Variants in FGF9 observed in about 807,000 individuals in gnomAD.
FGF9 encodes fibroblast growth factor 9 (glia-activating factor).
A neutral mutation model predicts 19.9 loss-of-function variants in FGF9; 3 were observed. That is an observed-to-expected ratio of 0.15 (90% CI 0.07 to 0.39). The LOEUF (loss-of-function observed/expected upper bound fraction) is 0.39. Ranked by LOEUF, FGF9 falls within the 10% of genes least tolerant of loss-of-function variation. FGF9 has a pLI of 1.00. For synonymous variants in FGF9, 107 were observed against 106.9 expected, an observed-to-expected ratio of 1.00 and a Z score of -0.01; for missense variants, 175 against 256.8, an observed-to-expected ratio of 0.68 and a Z score of 2.18.
intron 2 of FGF9, among the ~76,000 whole-genome samples, chr13:21,699,642 A>C (rs920952110): frequency 6.6e-6 from 1 of 152,140 alleles, no homozygotes; most frequent in Non-Finnish European, 1.5e-5. Flanking sequence ...ATTCTACCCA[A>C]CTGATATCTG....
intron 2 of FGF9, among the ~76,000 whole-genome samples, chr13:21,699,857 G>T (rs1426843014): frequency 6.6e-6 from 1 of 152,130 alleles, no homozygotes; most frequent in Non-Finnish European, 1.5e-5. Flanking sequence ...AGTTATTTTC[G>T]TGTTTACTGT....
chr13:21,684,449 T>G (rs1030305076), intron 2 of FGF9, among the ~76,000 whole-genome samples: 1 of 152,194 alleles, frequency 6.6e-6, no homozygotes, highest in African/African-American at 2.4e-5. Context: ...CCGCATTGGA[T>G]GCATAGATGT....
intron 2 of FGF9, among the ~76,000 whole-genome samples, 177 bp from the exon 3 acceptor site, chr13:21,701,013 A>T (rs575142925): frequency 1.3e-5 from 2 of 152,298 alleles, no homozygotes; most frequent in African/African-American, 4.8e-5. Flanking sequence ...TTACCTTTTT[A>T]AAAAATTTTA....
intron 2 of FGF9, among the ~76,000 whole-genome samples, chr13:21,686,251 AT>A (rs778180549): frequency 1.3e-5 from 2 of 152,132 alleles, no homozygotes; most frequent in Non-Finnish European, 2.9e-5. Context: ...CTGATCTTGA[AT>A]TCCTGACATC....
intron 2 of FGF9, among the ~76,000 whole-genome samples, chr13:21,682,162 C>A (rs976925384): frequency 1.3e-5 from 2 of 151,930 alleles, no homozygotes; most frequent in African/African-American, 4.8e-5. Context: ...GTGTGCATCA[C>A]CACACGTAGT....
At chr13:21,676,136 A>G (rs1871910290) in intron 1 of FGF9, among the ~76,000 whole-genome samples, 1 of 152,112 alleles carries the variant, frequency 6.6e-6, no homozygotes, top group African/African-American at 2.4e-5. Flanking sequence ...TCATTTGGGG[A>G]AATAGTAATG....
chr13:21,678,893 G>A (rs1593091761), intron 1 of FGF9, among the ~76,000 whole-genome samples: 1 of 152,080 alleles, frequency 6.6e-6, no homozygotes, highest in African/African-American at 2.4e-5. Context: ...CCACATTTTG[G>A]TGTGCTTTCA....
At chr13:21,687,090 T>C (rs576977889) in intron 2 of FGF9, among the ~76,000 whole-genome samples, 1 of 152,222 alleles carries the variant, frequency 6.6e-6, no homozygotes, top group Admixed American at 6.5e-5. Flanking sequence ...TATGGCTCCA[T>C]GTAATCAGTA....
In FGF9 at chr13:21,671,975, T is replaced by C. The variant is rs1871779267; in HGVS notation, c.63T>C (p.Asn21=). The change falls in exon 1 of 3, where the codon AAT becomes AAC. Residue 21 remains asparagine (N), a synonymous_variant. Coordinates refer to ENST00000382353, the MANE Select transcript of FGF9 (RefSeq NM_002010.3). Reference sequence around the variant, plus strand: ...TGCAGGATGCGGTACCGTTTGGGAATGTGCCCGTGTTGCCGGTGGACAGCC... The same window carrying C: ...TGCAGGATGCGGTACCGTTTGGGAACGTGCCCGTGTTGCCGGTGGACAGCC... The part of the protein sequence containing the change: ...FGVQDAVPFG[N]VPVLPVDSPV... 1 of 1,614,086 alleles carries C rather than the reference T, an allele frequency of 6.2e-7. No homozygotes were observed. The highest frequency in any genetic ancestry group is 1.7e-5 in the Admixed American group (1 of 60,008).
At chr13:21,687,279 A>AGGTGG (rs1872183914) in intron 2 of FGF9, among the ~76,000 whole-genome samples, 1 of 152,228 alleles carries the variant, frequency 6.6e-6, no homozygotes, top group Admixed American at 6.5e-5. Flanking sequence ...TCTGTCCCAG[A>AGGTGG]ATTGAGAGAC....
chr13:21,694,549 C>G (rs1273079535), intron 2 of FGF9, among the ~76,000 whole-genome samples: 1 of 152,224 alleles, frequency 6.6e-6, no homozygotes, highest in Non-Finnish European at 1.5e-5. Flanking sequence ...GCATTCTACT[C>G]TCAGCTTTTA....
At chr13:21,683,302 C>G (rs1872085352) in intron 2 of FGF9, among the ~76,000 whole-genome samples, 1 of 152,214 alleles carries the variant, frequency 6.6e-6, no homozygotes, top group Non-Finnish European at 1.5e-5. Flanking sequence ...GCCTTCCTGC[C>G]TGGCACACCC....
chr13:21,693,484 C>T (rs1565952650), intron 2 of FGF9, among the ~76,000 whole-genome samples: 1 of 152,170 alleles, frequency 6.6e-6, no homozygotes, highest in African/African-American at 2.4e-5. Flanking sequence ...CATCATTGAT[C>T]TTCAGGGTGC....
intron 1 of FGF9, among the ~76,000 whole-genome samples, chr13:21,678,519 T>C (rs1463902169): frequency 6.6e-6 from 1 of 152,180 alleles, no homozygotes; most frequent in Non-Finnish European, 1.5e-5. Context: ...CTCAAGAATT[T>C]TTACTATTAC....
rs1235148596 is a variant in FGF9, at chr13:21,704,144, G to A, written c.*2709G>A. The A allele has an allele frequency of 1.3e-5, 2 of 152,112 alleles. No homozygotes were observed. The highest frequency in any genetic ancestry group is 1.9e-4 in the East Asian group (1 of 5,174). 9.4% of individuals were successfully genotyped at this position (152,112 alleles called of 1,614,324 possible). A position where few individuals can be genotyped will look rare whatever the true frequency, so the allele number is the denominator to read the frequency against. ...GTGAATGGCAGCCCTGAGCCACTGT[G>A]GAATGGGGGTTCTGGTTTCACAAAC... On this transcript the variant is annotated 3_prime_UTR_variant, in exon 3 of 3. Transcript: ENST00000382353.
At chr13:21,674,926 C>A (rs573494916) in intron 1 of FGF9, among the ~76,000 whole-genome samples, 4 of 151,314 alleles carry the variant, frequency 2.6e-5, no homozygotes, top group African/African-American at 7.3e-5. Flanking sequence ...AAGCTAGACC[C>A]CTCACCCCTA....
intron 1 of FGF9, among the ~76,000 whole-genome samples, chr13:21,680,452 C>CTT (rs369941643): frequency 3.5e-4 from 50 of 144,068 alleles, no homozygotes; most frequent in South Asian, 8.9e-4. Context: ...AAACAGAATA[C>CTT]TTTTTTTTTT....
At chr13:21,699,478 A>G (rs1185284179) in intron 2 of FGF9, among the ~76,000 whole-genome samples, 1 of 152,192 alleles carries the variant, frequency 6.6e-6, no homozygotes, top group Non-Finnish European at 1.5e-5. Flanking sequence ...GCCGGCCCTC[A>G]TGACCTCTTG....
intron 2 of FGF9, among the ~76,000 whole-genome samples, chr13:21,698,256 A>G (rs1872460802): frequency 6.6e-6 from 1 of 152,222 alleles, no homozygotes; most frequent in African/African-American, 2.4e-5. Flanking sequence ...GGCACAGACC[A>G]GGCGCAAATT....
Sources: gnomAD v4.1 joint callset for allele counts (sites outside exome capture counted in the v4.1 genomes callset) on GRCh38, gnomAD v4.1.1 for gene constraint, MANE v1.5 for transcripts, NCBI Gene and HGNC (gene_info 2026-07-23, HGNC 2026-07-21) for gene names.